The following RIT2 variants were observed in gnomAD, a reference collection of about 807,000 sequenced individuals.
RIT2 encodes the protein Ras like without CAAX 2.
A neutral mutation model predicts 23.7 loss-of-function variants in RIT2; 24 were observed. That is an observed-to-expected ratio of 1.01 (90% CI 0.73 to 1.43). RIT2 has a LOEUF of 1.43. Among genes scored for constraint, RIT2 ranks in the 40% most tolerant of loss-of-function variants. RIT2 has a pLI of 0.00. For synonymous variants in RIT2, 107 were observed against 91.1 expected (o/e 1.17, Z -0.99); for missense variants, 236 against 266.9 (o/e 0.88, Z 0.81).
At chr18:42,796,939 G>T (rs1282473786) in intron 4 of RIT2, among the ~76,000 whole-genome samples, 1 of 152,082 alleles carries the variant, frequency 6.6e-6, no homozygotes. Context: ...CTTGGTAAAA[G>T]AAATAAAAAG....
At chr18:42,959,832 C>T (rs2144184666) in intron 3 of RIT2, among the ~76,000 whole-genome samples, 1 of 152,216 alleles carries the variant, frequency 6.6e-6, no homozygotes, top group Middle Eastern at 3.4e-3. Flanking sequence ...TATTATATGC[C>T]TAAACTTGAG....
chr18:42,837,318 C>T (rs573886985), intron 4 of RIT2, among the ~76,000 whole-genome samples: 5 of 151,642 alleles, frequency 3.3e-5, no homozygotes, highest in African/African-American at 1.2e-4. Flanking sequence ...CAGGTGCCTG[C>T]CACCAAGCCT....
intron 1 of RIT2, among the ~76,000 whole-genome samples, chr18:43,065,890 GTTGGGGTAGA>G (rs1241892778): frequency 2.0e-5 from 3 of 152,230 alleles, no homozygotes; most frequent in East Asian, 3.9e-4. Context: ...AAAGCATGTA[GTTGGGGTAGA>G]AAAAAACACA....
chr18:43,033,661 G>A, intron 2 of RIT2, 150 bp downstream of exon 2: 1 of 602,902 alleles, frequency 1.7e-6, no homozygotes, highest in Non-Finnish European at 2.9e-6. Flanking sequence ...AGCTTCTGTT[G>A]TGGTACGTTA....
At chr18:42,754,853 A>C (rs1913124636) in intron 4 of RIT2, among the ~76,000 whole-genome samples, 1 of 152,224 alleles carries the variant, frequency 6.6e-6, no homozygotes, top group South Asian at 2.1e-4. Context: ...GAAATTTCAG[A>C]GGCCAGAATA....
chr18:43,033,825 T>C lies in RIT2; in HGVS notation c.146A>G (p.His49Arg), dbSNP rs1335325861. The C allele has an allele frequency of 1.2e-6, 2 of 1,608,508 alleles. No individual in the cohort carries two copies. The highest frequency in any genetic ancestry group is 1.3e-5 in the African/African-American group (1 of 74,818). The change falls in exon 2 of 5, where the codon CAT becomes CGT. Residue 49 changes from histidine to arginine, a missense_variant. His to Arg is a conservative substitution (Grantham distance 29). Transcript: ENST00000326695. ...QFISHQFPDY[H>R]DPTIEDAYKT... Reference sequence around the variant, plus strand: ...CTTCCACTTACCTATAGTAGGGTCATGATAATCAGGGAACTGATGACTAAT... The same window carrying C: ...CTTCCACTTACCTATAGTAGGGTCACGATAATCAGGGAACTGATGACTAAT...
At chr18:42,807,408 G>C (rs2143970265) in intron 4 of RIT2, among the ~76,000 whole-genome samples, 1 of 152,252 alleles carries the variant, frequency 6.6e-6, no homozygotes, top group East Asian at 1.9e-4. Flanking sequence ...CCTGAGGTCA[G>C]GAGTTCGAGA....
chr18:42,815,660 A>T (rs1905974325), intron 4 of RIT2, among the ~76,000 whole-genome samples: 2 of 152,174 alleles, frequency 1.3e-5, no homozygotes, highest in Admixed American at 1.3e-4. Context: ...TAATAATTTG[A>T]TGAATTTTAG....
chr18:42,995,057 T>C (rs1184052600), intron 2 of RIT2, among the ~76,000 whole-genome samples: 2 of 152,128 alleles, frequency 1.3e-5, no homozygotes, highest in African/African-American at 2.4e-5. Flanking sequence ...TATTTCCTTC[T>C]TTCCTGTTCC....
chr18:42,880,208 C>T (rs140411667), intron 4 of RIT2, among the ~76,000 whole-genome samples: 14 of 152,224 alleles, frequency 9.2e-5, no homozygotes, highest in Non-Finnish European at 1.6e-4. Flanking sequence ...ACAGACTTCC[C>T]AGCAACTCTC....
intron 1 of RIT2, among the ~76,000 whole-genome samples, chr18:43,096,811 C>A (rs1052894353): frequency 1.3e-5 from 2 of 151,540 alleles, no homozygotes; most frequent in Non-Finnish European, 2.9e-5. Context: ...AACTAAAATT[C>A]TAGGGAAATT....
intron 1 of RIT2, among the ~76,000 whole-genome samples, chr18:43,078,604 T>C (rs749264827): frequency 1.3e-5 from 2 of 152,170 alleles, no homozygotes; most frequent in Non-Finnish European, 2.9e-5. Context: ...GTGTACTACC[T>C]AGCATAGTTT....
chr18:42,825,868 A>G (rs936836211), intron 4 of RIT2, among the ~76,000 whole-genome samples: 9 of 152,082 alleles, frequency 5.9e-5, no homozygotes, highest in South Asian at 2.1e-4. Context: ...ACTCTTTTTC[A>G]GCTATTTTAC....
intron 4 of RIT2, among the ~76,000 whole-genome samples, chr18:42,821,614 T>C (rs1161120480): frequency 3.3e-5 from 5 of 152,092 alleles, no homozygotes; most frequent in Non-Finnish European, 4.4e-5. Flanking sequence ...CATCCCGCAA[T>C]GCACAGGTAG....
chr18:43,084,562 A>G (rs1208447805), intron 1 of RIT2, among the ~76,000 whole-genome samples: 1 of 152,146 alleles, frequency 6.6e-6, no homozygotes, highest in Non-Finnish European at 1.5e-5. Flanking sequence ...GCCATAAAAA[A>G]TGAGTTCATG....
intron 3 of RIT2, among the ~76,000 whole-genome samples, chr18:42,940,585 G>C (rs1390856011): frequency 6.6e-6 from 1 of 151,648 alleles, no homozygotes; most frequent in Non-Finnish European, 1.5e-5. Flanking sequence ...GCACTTAGTA[G>C]GTCCTCCACA....
intron 2 of RIT2, among the ~76,000 whole-genome samples, chr18:43,025,200 T>C (rs1051265069): frequency 1.9e-4 from 29 of 149,260 alleles, no homozygotes; most frequent in African/African-American, 6.4e-4. Context: ...CAGAGTGAGA[T>C]TCTGTCTAAA....
chr18:42,853,631 T>C (rs1367368691), intron 4 of RIT2, among the ~76,000 whole-genome samples: 1 of 152,244 alleles, frequency 6.6e-6, no homozygotes, highest in Non-Finnish European at 1.5e-5. Context: ...GCTATTATTA[T>C]AATTTTTATT....
chr18:42,948,265 A>T (rs1264024960), intron 3 of RIT2, among the ~76,000 whole-genome samples: 2 of 152,072 alleles, frequency 1.3e-5, no homozygotes, highest in East Asian at 3.9e-4. Flanking sequence ...ATGTTGTTCA[A>T]ATGTTCAAAG....
Sources: gnomAD v4.1 joint callset for allele counts (sites outside exome capture counted in the v4.1 genomes callset) on GRCh38, gnomAD v4.1.1 for gene constraint, MANE v1.5 for transcripts, NCBI Gene and HGNC (gene_info 2026-07-23, HGNC 2026-07-21) for gene names.